Variants in MBNL2 observed in about 807,000 individuals in gnomAD.
MBNL2 encodes muscleblind-like protein 2.
MBNL2 carries 17 observed loss-of-function variants against 41.9 expected under a neutral mutation model. The observed-to-expected ratio is 0.41, with a 90% CI of 0.28 to 0.61. The LOEUF is 0.61. MBNL2 is among the 20% of genes least tolerant of loss of function. The pLI, the probability that MBNL2 is intolerant of heterozygous loss-of-function variation, is 0.35. For synonymous variants in MBNL2, 195 were observed against 182.9 expected (o/e 1.07, Z -0.53); for missense variants, 336 against 505.6 (o/e 0.66, Z 3.22).
chr13:97,151,278 T>C, the MBNL2 span, among the ~76,000 whole-genome samples: 3 of 152,086 alleles, frequency 2.0e-5, no homozygotes, highest in African/African-American at 7.2e-5. Context: ...GGGGATGATT[T>C]AAAAGTATAT....
At chr13:97,340,344 G>A (rs2061350037) in intron 3 of MBNL2, among the ~76,000 whole-genome samples, 1 of 149,514 alleles carries the variant, frequency 6.7e-6, no homozygotes, top group African/African-American at 2.4e-5. Context: ...TCACGTGACA[G>A]AAAATATTTT....
chr13:97,251,179 A>G (rs1296871525), intron 1 of MBNL2, among the ~76,000 whole-genome samples: 1 of 147,498 alleles, frequency 6.8e-6, no homozygotes, highest in Non-Finnish European at 1.5e-5. Flanking sequence ...AATGCGTGAG[A>G]TCTAGTATGT....
At chr13:97,292,435 A>G (rs2056312540) in intron 2 of MBNL2, among the ~76,000 whole-genome samples, 1 of 152,046 alleles carries the variant, frequency 6.6e-6, no homozygotes, top group African/African-American at 2.4e-5. Flanking sequence ...ATCCTACTAA[A>G]CATATCCTGT....
At chr13:97,244,441 A>C (rs969164130) in intron 1 of MBNL2, among the ~76,000 whole-genome samples, 1 of 152,254 alleles carries the variant, frequency 6.6e-6, no homozygotes, top group African/African-American at 2.4e-5. Flanking sequence ...GTCATCTGCT[A>C]AGAGAAATCG....
At chr13:97,198,535 A>C in the MBNL2 span, among the ~76,000 whole-genome samples, 3 of 150,232 alleles carry the variant, frequency 2.0e-5, no homozygotes, top group Non-Finnish European at 4.4e-5. Context: ...TGATAAATCT[A>C]TATATACACA....
At chr13:97,151,579 G>A in the MBNL2 span, among the ~76,000 whole-genome samples, 3 of 152,278 alleles carry the variant, frequency 2.0e-5, no homozygotes, top group African/African-American at 4.8e-5. Context: ...ATTTCAAATG[G>A]ACAGCATAAA....
At chr13:97,244,037 C>T (rs547650029) in intron 1 of MBNL2, among the ~76,000 whole-genome samples, 2 of 152,262 alleles carry the variant, frequency 1.3e-5, no homozygotes, top group Non-Finnish European at 2.9e-5. Flanking sequence ...CAGTATTTTA[C>T]CCTCTCTTTT....
the MBNL2 span, among the ~76,000 whole-genome samples, chr13:97,152,493 T>C: frequency 1.3e-5 from 2 of 152,168 alleles, no homozygotes; most frequent in African/African-American, 4.8e-5. Context: ...AAGCACATCA[T>C]TCTTAAATTT....
chr13:97,337,305 A>C (rs56323958), intron 3 of MBNL2, among the ~76,000 whole-genome samples: 2 of 152,002 alleles, frequency 1.3e-5, no homozygotes, highest in Non-Finnish European at 2.9e-5. Flanking sequence ...AATTCAATTC[A>C]GTTGTTTGTA....
Position 97,357,552 on chromosome 13 carries a change from C to T in MBNL2, c.929C>T (p.Ala310Val), listed in dbSNP as rs1357311025. 1.9e-6 allele frequency: 3 copies of T among 1,613,932 alleles called. No individual in the cohort carries two copies. Among genetic ancestry groups the T allele is most frequent in the East Asian group, 2.2e-5 (1 of 44,900 alleles). The change falls in exon 7 of 9, where the codon GCG (alanine) becomes GTG (valine). Residue 310 changes from alanine (A) to valine (V), a missense_variant. Ala to Val is a moderately conservative substitution (Grantham distance 64). Transcript: ENST00000679496. ...QALEKSNGTS[A>V]VFNPSVLHYQ... ...CTTGAAAAAAGCAATGGTACCAGCG[C>T]GGTCTTTAACCCCAGCGTCTTGCAC...
the MBNL2 span, among the ~76,000 whole-genome samples, chr13:97,161,686 A>C: frequency 2.0e-5 from 3 of 152,236 alleles, no homozygotes; most frequent in African/African-American, 7.2e-5. Context: ...ATGATCATGA[A>C]TTATATCATC....
At chr13:97,210,364 A>G in the MBNL2 span, among the ~76,000 whole-genome samples, 1 of 152,122 alleles carries the variant, frequency 6.6e-6, no homozygotes, top group African/African-American at 2.4e-5. Flanking sequence ...TTAGAACATG[A>G]CGGTTAGTGT....
chr13:97,162,986 A>G, the MBNL2 span, among the ~76,000 whole-genome samples: 6 of 152,148 alleles, frequency 3.9e-5, no homozygotes, highest in Non-Finnish European at 8.8e-5. Flanking sequence ...AGAGGAAGGG[A>G]TCAACACTGA....
At chr13:97,147,868 A>G in the MBNL2 span, among the ~76,000 whole-genome samples, 2 of 152,310 alleles carry the variant, frequency 1.3e-5, no homozygotes, top group South Asian at 4.1e-4. Flanking sequence ...GTTAGGGGGC[A>G]GTAATAAAAG....
chr13:97,259,765 T>C (rs1356283594), intron 1 of MBNL2, among the ~76,000 whole-genome samples: 2 of 152,236 alleles, frequency 1.3e-5, no homozygotes, highest in Non-Finnish European at 1.5e-5. Flanking sequence ...ACTGGAGTCC[T>C]AGCGTGCTGA....
chr13:97,195,450 AC>A, the MBNL2 span, among the ~76,000 whole-genome samples: 1 of 152,156 alleles, frequency 6.6e-6, no homozygotes, highest in Non-Finnish European at 1.5e-5. Context: ...AGAATCTAGT[AC>A]CTTACATAGC....
chr13:97,320,089 A>G (rs1244230157), intron 2 of MBNL2, among the ~76,000 whole-genome samples: 1 of 152,160 alleles, frequency 6.6e-6, no homozygotes, highest in Non-Finnish European at 1.5e-5. Flanking sequence ...AAAATACATT[A>G]TCTAACATTT....
chr13:97,293,353 T>C (rs1325047240), intron 2 of MBNL2, among the ~76,000 whole-genome samples: 1 of 152,214 alleles, frequency 6.6e-6, no homozygotes, highest in Non-Finnish European at 1.5e-5. Context: ...CCTTTGAAAT[T>C]CTAGTAATAG....
At chr13:97,265,732 T>C (rs2049632149) in intron 1 of MBNL2, among the ~76,000 whole-genome samples, 1 of 152,184 alleles carries the variant, frequency 6.6e-6, no homozygotes, top group African/African-American at 2.4e-5. Flanking sequence ...ATAGAGATTA[T>C]TGATAGTATA....
Sources: allele counts gnomAD v4.1 joint callset (sites outside exome capture counted in the v4.1 genomes callset), GRCh38; gene constraint gnomAD v4.1.1; transcripts MANE v1.5; gene names NCBI Gene and HGNC (gene_info 2026-07-23, HGNC 2026-07-21).